The following ENTPD7 variants were observed in gnomAD, a reference collection of about 807,000 sequenced individuals.
ENTPD7 encodes the protein ectonucleoside triphosphate diphosphohydrolase 7.
ENTPD7 carries 53 observed loss-of-function variants against 77.9 expected under a neutral mutation model. The observed-to-expected ratio is 0.68, with a 90% confidence interval of 0.55 to 0.85. ENTPD7 has a LOEUF of 0.85. ENTPD7 is among the 40% of genes least tolerant of loss of function. ENTPD7 has a pLI of 0.00. For missense variants in ENTPD7, 636 were observed against 743.7 expected, an observed-to-expected ratio of 0.86 and a Z score of 1.68; for synonymous variants, 248 against 274.9, an observed-to-expected ratio of 0.90 and a Z score of 0.97.
chr10:99,664,370 C>T (rs1410279692), intron 3 of ENTPD7, among the ~76,000 whole-genome samples: 5 of 152,106 alleles, frequency 3.3e-5, no homozygotes, highest in Non-Finnish European at 2.9e-5. Flanking sequence ...AAGCAATCCT[C>T]CTGCCTTGGC....
intron 2 of ENTPD7, among the ~76,000 whole-genome samples, chr10:99,661,236 C>T (rs1203275667): frequency 2.6e-5 from 4 of 152,066 alleles, no homozygotes; most frequent in Admixed American, 1.3e-4. Context: ...ACTCAAAGTG[C>T]AGTTTGGAAA....
intron 11 of ENTPD7, among the ~76,000 whole-genome samples, chr10:99,701,659 C>CA (rs1458923095): frequency 6.6e-6 from 1 of 151,954 alleles, no homozygotes. Context: ...AGAATAGCAA[C>CA]ATAAACCCTC....
At chr10:99,689,987 T>C (rs985674039) in intron 7 of ENTPD7, among the ~76,000 whole-genome samples, 3 of 152,242 alleles carry the variant, frequency 2.0e-5, no homozygotes, top group Admixed American at 2.0e-4. Flanking sequence ...GTCTAGCAAC[T>C]TCCAAAGGTA....
At chr10:99,692,735 A>G (rs2035903062) in intron 8 of ENTPD7, among the ~76,000 whole-genome samples, 1 of 152,170 alleles carries the variant, frequency 6.6e-6, no homozygotes, top group South Asian at 2.1e-4. Flanking sequence ...ATTGAGTGCT[A>G]TCATAAGGGG....
At chr10:99,669,745 T>TG (rs1191899437) in intron 3 of ENTPD7, among the ~76,000 whole-genome samples, 2 of 121,628 alleles carry the variant, frequency 1.6e-5, no homozygotes, top group African/African-American at 3.1e-5. Context: ...GTGTGGTTTT[T>TG]TTTTTTTTTT....
At chr10:99,692,220 A>C (rs7077070) in intron 8 of ENTPD7, among the ~76,000 whole-genome samples, 62,881 of 152,046 alleles carry the variant, frequency 0.41, 13,237 homozygotes, top group East Asian at 0.6. Flanking sequence ...CATCGTTGGC[A>C]CTCTTGACAT....
rs370661882 is a variant in ENTPD7 at position 99,660,441 on chromosome 10, GA to G, written c.8+480del. 3.8e-4 allele frequency: 378 copies of G among 998,408 alleles called. 1 individual carries two copies. In the African/African-American group the frequency reaches 5.3e-3, roughly 14 times the overall value. 61.8% of individuals were successfully genotyped at this position (998,408 alleles called of 1,614,324 possible). The stretch of plus-strand genomic sequence containing the variant: ...TGTGGATCTACATGCACCAATAAGG[GA>G]AAGTTATAAAATAAAGTGGGGGAAA... On this transcript the variant is annotated intron_variant, in intron 2 of 12. Transcript: ENST00000370489.
rs745552200 is a variant in ENTPD7, at chr10:99,704,475, G to C, written c.1607G>C (p.Arg536Pro). 1.2e-6 allele frequency: 2 copies of C among 1,614,190 alleles called. No individual in the cohort carries two copies. The highest frequency in any genetic ancestry group is 1.7e-6 in the Non-Finnish European group (2 of 1,180,026). ...AGGGATCTTCGGCAGGAAGGTGTCC[G>C]ACAAGCCCATGGTAGCTGGTTCCGT... ...PLRDLRQEGV[R>P]QAHGSWFRLS... The change falls in exon 13 of 13, where the codon CGA becomes CCA. Residue 536 changes from arginine (R) to proline (P), a missense_variant. Coordinates refer to ENST00000370489, the MANE Select transcript of ENTPD7 (RefSeq NM_020354.5).
chr10:99,699,801 G>A (rs2036073487), intron 10 of ENTPD7, among the ~76,000 whole-genome samples: 1 of 152,048 alleles, frequency 6.6e-6, no homozygotes, highest in Non-Finnish European at 1.5e-5. Flanking sequence ...CCTGGCCTCA[G>A]GTGATCTGCC....
intron 3 of ENTPD7, among the ~76,000 whole-genome samples, chr10:99,672,911 T>C (rs1284156020): frequency 6.6e-6 from 1 of 152,202 alleles, no homozygotes; most frequent in Non-Finnish European, 1.5e-5. Context: ...AGTGGTATAA[T>C]TAGTTTTGAT....
chr10:99,686,609 T>C (rs1193365701), intron 6 of ENTPD7, among the ~76,000 whole-genome samples: 1 of 152,162 alleles, frequency 6.6e-6, no homozygotes, highest in Non-Finnish European at 1.5e-5. Flanking sequence ...GTTTCTTTGC[T>C]GAGACCTTCT....
chr10:99,672,474 T>C (rs2035629264), intron 3 of ENTPD7, among the ~76,000 whole-genome samples: 1 of 151,352 alleles, frequency 6.6e-6, no homozygotes, highest in South Asian at 2.1e-4. Flanking sequence ...CCCGACTAAT[T>C]TTTATATTCT....
At chr10:99,669,055 T>C (rs1156969699) in intron 3 of ENTPD7, among the ~76,000 whole-genome samples, 1 of 150,216 alleles carries the variant, frequency 6.7e-6, no homozygotes, top group Non-Finnish European at 1.5e-5. Flanking sequence ...TTTTTTTTTT[T>C]TTTGTAGAGA....
chr10:99,675,065 A>G (rs1267186948), intron 3 of ENTPD7, among the ~76,000 whole-genome samples: 1 of 152,232 alleles, frequency 6.6e-6, no homozygotes, highest in African/African-American at 2.4e-5. Flanking sequence ...ATCATGGAAC[A>G]CTATTTTTAG....
intron 7 of ENTPD7, among the ~76,000 whole-genome samples, chr10:99,690,019 A>G (rs1260289588): frequency 6.6e-6 from 1 of 152,214 alleles, no homozygotes; most frequent in Non-Finnish European, 1.5e-5. Context: ...AAAAGTTTTA[A>G]TTATTATTAT....
chr10:99,663,799 T>G (rs2035515846), intron 3 of ENTPD7, among the ~76,000 whole-genome samples: 1 of 152,108 alleles, frequency 6.6e-6, no homozygotes, highest in Non-Finnish European at 1.5e-5. Flanking sequence ...GATTCTTGGA[T>G]CTATGGATTT....
chr10:99,698,599 G>A lies in ENTPD7; in HGVS notation c.1076G>A (p.Gly359Glu), dbSNP rs903292723. ...TTTCTGGATCCCTGCCTGCCAGTGGGACTCACAGATGTGGTGGAGAGGAAC... is the reference window on the plus strand; with the variant it reads ...TTTCTGGATCCCTGCCTGCCAGTGGAACTCACAGATGTGGTGGAGAGGAAC... ...NPFLDPCLPV[G>E]LTDVVERNSQ... Residue 359 changes from glycine to glutamate, a missense_variant, in exon 10 of 13, where the codon GGA (glycine) becomes GAA (glutamate). By Grantham distance (98) the Gly-to-Glu change is moderately conservative. Transcript: ENST00000370489. 1 of 1,614,182 alleles carries A rather than the reference G, an allele frequency of 6.2e-7. No individual in the cohort carries two copies. Among genetic ancestry groups the A allele is most frequent in the Non-Finnish European group, 8.5e-7 (1 of 1,180,034 alleles).
chr10:99,664,729 G>A (rs1295608287), intron 3 of ENTPD7, among the ~76,000 whole-genome samples: 6 of 151,752 alleles, frequency 4.0e-5, no homozygotes, highest in East Asian at 2.0e-4. Flanking sequence ...AATTACAGGC[G>A]TGAGCCACCA....
intron 10 of ENTPD7, among the ~76,000 whole-genome samples, chr10:99,700,114 A>T (rs1388965852): frequency 6.6e-6 from 1 of 152,058 alleles, no homozygotes; most frequent in African/African-American, 2.4e-5. Context: ...TGGAGCCCAG[A>T]GCTCCCTAAC....
Sources: gnomAD v4.1 joint callset for allele counts (sites outside exome capture counted in the v4.1 genomes callset) on GRCh38, gnomAD v4.1.1 for gene constraint, MANE v1.5 for transcripts, NCBI Gene and HGNC (gene_info 2026-07-23, HGNC 2026-07-21) for gene names.